The following CELSR1 variants were observed in gnomAD, a reference collection of about 807,000 sequenced individuals.
CELSR1 encodes the protein adhesion G protein-coupled receptor C1.
Under a neutral mutation model 249.1 loss-of-function variants are expected in CELSR1, and 110 were observed. That is an observed-to-expected ratio of 0.44 (90% CI 0.38 to 0.52). The LOEUF (loss-of-function observed/expected upper bound fraction) is 0.52, where lower values mean the gene tolerates loss of function less well. Ranked by LOEUF, CELSR1 falls within the 20% of genes least tolerant of loss-of-function variation. The pLI is 0.00. For missense variants in CELSR1, 4,109 were observed against 4,296.4 expected (o/e 0.96, Z 1.22); for synonymous variants, 2,113 against 1,900.0 (o/e 1.11, Z -2.92).
At position 46,535,402 on chromosome 22, in the gene CELSR1, A is replaced by C. The variant is rs745392201; in HGVS notation, c.1769T>G (p.Val590Gly). ...LGYPVVHIQA[V>G]DADSGENARL... is the part of the protein sequence containing the mutation. The stretch of plus-strand genomic sequence containing the variant: ...GGCGTTCTCTCCAGAGTCCGCGTCC[A>C]CCGCCTGAATGTGCACCACGGGGTA... The change falls in exon 1 of 35, where the codon GTG becomes GGG. Residue 590 changes from valine to glycine, a missense_variant. Val to Gly is a moderately radical substitution (Grantham distance 109). Coordinates refer to ENST00000674500, the MANE Select transcript of CELSR1 (RefSeq NM_001378328.1). 4 of 1,609,774 alleles carry C rather than the reference A, an allele frequency of 2.5e-6. No homozygotes were observed. Among genetic ancestry groups the C allele is most frequent in the African/African-American group, 1.3e-5 (1 of 75,008 alleles).
rs753682607 is a variant in CELSR1, at chr22:46,488,406, G to T, written c.3545-24061C>A. Among the ~76,000 whole-genome samples the T allele has an allele frequency of 5.3e-5, 8 of 152,158 alleles. No homozygotes were observed. The highest frequency in any genetic ancestry group is 1.9e-4 in the African/African-American group (8 of 41,416). ...TTCCCTGCTCGCCTACAGCCGGCGAGTGCAGCACAGGAGGCCACCGTAGTG... is the reference window on the plus strand; with the variant it reads ...TTCCCTGCTCGCCTACAGCCGGCGATTGCAGCACAGGAGGCCACCGTAGTG... On this transcript the variant is annotated intron_variant, in intron 1 of 34. Transcript: ENST00000674500. The surrounding 1 kb of genome is among the most constrained non-coding windows in gnomAD (Gnocchi z 4.7).
chr22:46,432,962 A>G (rs1017976654), intron 5 of CELSR1, among the ~76,000 whole-genome samples: 5 of 152,128 alleles, frequency 3.3e-5, no homozygotes, highest in Non-Finnish European at 7.4e-5. Flanking sequence ...TTTTTCCAAT[A>G]GCACATTTAA....
intron 1 of CELSR1, among the ~76,000 whole-genome samples, chr22:46,504,608 T>G (rs1327547724): frequency 6.6e-6 from 1 of 152,010 alleles, no homozygotes; most frequent in East Asian, 1.9e-4. Flanking sequence ...AGACATTTAT[T>G]TTTACCTACA....
rs945442436 is a variant in CELSR1 at position 46,410,708 on chromosome 22, G to A, written c.4770-147C>T. 1.4e-6 allele frequency: 1 copy of A among 740,132 alleles called. No individual in the cohort carries two copies. Among genetic ancestry groups the A allele is most frequent in the Non-Finnish European group, 2.2e-6 (1 of 459,714 alleles). The allele number at this position is 740,132 out of a possible 1,614,324, so 45.8% of individuals were successfully genotyped here. A position where few individuals can be genotyped will look rare whatever the true frequency, so the allele number is the denominator to read the frequency against. On this transcript the variant is annotated intron_variant, in intron 6 of 34. Coordinates refer to ENST00000674500, the MANE Select transcript of CELSR1 (RefSeq NM_001378328.1). The surrounding 1 kb of genome is among the most constrained non-coding windows in gnomAD (Gnocchi z 6.8). Reference sequence around the variant, plus strand: ...CAGGCGGGGAGAGGCCAAAGTCAGAGGGGGCTCCTGTGTCTGGTGCCGCCA... The same window carrying A: ...CAGGCGGGGAGAGGCCAAAGTCAGAAGGGGCTCCTGTGTCTGGTGCCGCCA...
At chr22:46,415,615 A>G (rs760735401) in intron 5 of CELSR1, among the ~76,000 whole-genome samples, 2 of 149,876 alleles carry the variant, frequency 1.3e-5, no homozygotes, top group Admixed American at 6.6e-5. Context: ...TCACCTCAAT[A>G]AGGAAAAAAT....
In CELSR1 at chr22:46,490,893, G is replaced by A. The variant is rs1410017093; in HGVS notation, c.3545-26548C>T. Among the ~76,000 whole-genome samples, 2 of 152,094 alleles carry A rather than the reference G, an allele frequency of 1.3e-5. No individual in the cohort carries two copies. The highest frequency in any genetic ancestry group is 2.9e-5 in the Non-Finnish European group (2 of 68,018). On this transcript the variant is annotated intron_variant, in intron 1 of 34. Transcript: ENST00000674500. This position sits in a 1 kb window ranked among gnomAD's most constrained non-coding sequence, Gnocchi z 5.2. ...CAGGTGTCATTTTCGCTGCTCTACA[G>A]ACCAGGCCTCAGAGGATCAGGAGGT...
chr22:46,443,534 C>T (rs1395689505), intron 2 of CELSR1, among the ~76,000 whole-genome samples: 3 of 152,250 alleles, frequency 2.0e-5, no homozygotes, highest in Non-Finnish European at 2.9e-5. Context: ...TGCTGCACCC[C>T]GCCGCCCTGC....
chr22:46,383,286 T>C (rs1214811948), intron 20 of CELSR1, among the ~76,000 whole-genome samples: 1 of 152,244 alleles, frequency 6.6e-6, no homozygotes, highest in African/African-American at 2.4e-5. Flanking sequence ...ATTTCCAATT[T>C]TAAACTGTCC....
intron 1 of CELSR1, among the ~76,000 whole-genome samples, chr22:46,482,428 T>C (rs1725842027): frequency 6.6e-6 from 1 of 152,096 alleles, no homozygotes; most frequent in East Asian, 1.9e-4. Context: ...TACCAGATAA[T>C]GAGAGCAAAG....
At position 46,408,924 on chromosome 22, in the gene CELSR1, AAGCCCAGCGCCT is replaced by A; in HGVS notation, c.5226+60_5226+71del. 7.7e-7 allele frequency: 1 copy of A among 1,299,064 alleles called. No individual in the cohort carries two copies. The highest frequency in any genetic ancestry group is 1.5e-5 in the African/African-American group (1 of 66,126). The allele number at this position is 1,299,064 out of a possible 1,614,324, so 80.5% of individuals were successfully genotyped here. Reference sequence around the variant, plus strand: ...AGCAGGTGCCCGAGTGTGCACCAGGAAGCCCAGCGCCTGGGTCCCTCCCTCGGGCACCCACCT... The same window carrying A: ...AGCAGGTGCCCGAGTGTGCACCAGGAGGGTCCCTCCCTCGGGCACCCACCT... On this transcript the variant is annotated intron_variant, in intron 9 of 34. Coordinates refer to ENST00000674500, the MANE Select transcript of CELSR1 (RefSeq NM_001378328.1). The surrounding 1 kb of genome is among the most constrained non-coding windows in gnomAD (Gnocchi z 4.6).
Position 46,399,917 on chromosome 22 carries a change from G to C in CELSR1, c.5227-15C>G. ...TTGTTCAGGATCTGGAGCAGGGAGA[G>C]CCACACCGACTGATTGGTACAATGA... On this transcript the variant is annotated splice_polypyrimidine_tract_variant and intron_variant, in intron 9 of 34. Transcript: ENST00000674500. This position sits in a 1 kb window ranked among gnomAD's most constrained non-coding sequence, Gnocchi z 5.0. 6.2e-7 allele frequency: 1 copy of C among 1,613,348 alleles called. No individual in the cohort carries two copies. Among genetic ancestry groups the C allele is most frequent in the Non-Finnish European group, 8.5e-7 (1 of 1,179,430 alleles).
Position 46,411,509 on chromosome 22 carries a change from G to T in CELSR1, c.4769+93C>A. ...TGAGGTCGCCAGGGCACTGCACCCA[G>T]AGTGCCTACGTGGGGCCCTGCCCTG... is the stretch of plus-strand genomic sequence containing the variant. On this transcript the variant is annotated intron_variant, in intron 6 of 34. Coordinates refer to ENST00000674500, the MANE Select transcript of CELSR1 (RefSeq NM_001378328.1). This position sits in a 1 kb window ranked among gnomAD's most constrained non-coding sequence, Gnocchi z 4.2. 1 of 1,455,800 alleles carries T rather than the reference G, an allele frequency of 6.9e-7. No homozygotes were observed. 90.2% of individuals were successfully genotyped at this position (1,455,800 alleles called of 1,614,324 possible).
intron 5 of CELSR1, among the ~76,000 whole-genome samples, chr22:46,425,459 A>T (rs2079526248): frequency 6.6e-6 from 1 of 152,234 alleles, no homozygotes. Context: ...CTATTTCCTC[A>T]ATAGTGTATA....
intron 20 of CELSR1, among the ~76,000 whole-genome samples, chr22:46,383,401 G>GT (rs1267057820): frequency 4.6e-5 from 7 of 152,204 alleles, no homozygotes; most frequent in African/African-American, 1.4e-4. Flanking sequence ...TGTTCAAACT[G>GT]TTTTGAATCA....
At chr22:46,496,305 C>T (rs568173863) in intron 1 of CELSR1, among the ~76,000 whole-genome samples, 4 of 150,858 alleles carry the variant, frequency 2.7e-5, no homozygotes, top group African/African-American at 9.7e-5. Flanking sequence ...CAGTGGCTCA[C>T]GCCTGTAATC....
At chr22:46,519,904 G>A (rs912589497) in intron 1 of CELSR1, among the ~76,000 whole-genome samples, 9 of 135,740 alleles carry the variant, frequency 6.6e-5, no homozygotes, top group Middle Eastern at 4.0e-3. Context: ...ACAGAGTTTC[G>A]CTCATCGCCC....
chr22:46,449,948 G>GCATGCACTCACATGCTCA (rs1555919978), intron 2 of CELSR1, among the ~76,000 whole-genome samples: 3 of 84,934 alleles, frequency 3.5e-5, no homozygotes, highest in African/African-American at 5.7e-5. Context: ...ACACTCACAT[G>GCATGCACTCACATGCTCA]CACGCACTCA....
Position 46,409,839 on chromosome 22 carries a change from G to A in CELSR1, c.4975C>T (p.Gln1659Ter). Residue 1659 changes from glutamine (Q) to a stop codon, truncating the protein, a stop_gained, in exon 8 of 35, where the codon CAG becomes TAG. Coordinates refer to ENST00000674500, the MANE Select transcript of CELSR1 (RefSeq NM_001378328.1). LOFTEE classifies it high-confidence loss of function. The surrounding 1 kb of genome is among the most constrained non-coding windows in gnomAD (Gnocchi z 9.8). Reference protein sequence around the residue: ...RRNFCDGRRCQNGGTCVNRWN... With the variant: ...RRNFCDGRRC ...CTGTTGACACAGGTGCCTCCATTCT[G>A]ACACCGCCTCCCATCGCAGAAGTTC... is the stretch of plus-strand genomic sequence containing the variant. 1 of 1,613,788 alleles carries A rather than the reference G, an allele frequency of 6.2e-7. No individual in the cohort carries two copies. The highest frequency in any genetic ancestry group is 8.5e-7 in the Non-Finnish European group (1 of 1,179,974).
Position 46,364,351 on chromosome 22 carries a change from T to C in CELSR1, c.8780-100A>G, listed in dbSNP as rs376841574. 2.1e-4 allele frequency: 317 copies of C among 1,537,054 alleles called. No homozygotes were observed. In the African/African-American group the frequency reaches 3.8e-3, roughly 18 times the overall value. ...AGCCAGCCTCAGCCCCTGTCCTTCC[T>C]CCTGGTTCCCCGGGTCCCAGGGCTA... On this transcript the variant is annotated intron_variant, in intron 33 of 34. Coordinates refer to ENST00000674500, the MANE Select transcript of CELSR1 (RefSeq NM_001378328.1).
Sources: allele counts gnomAD v4.1 joint callset (sites outside exome capture counted in the v4.1 genomes callset), GRCh38; gene constraint gnomAD v4.1.1; non-coding constraint Gnocchi (gnomAD v3.1); transcripts MANE v1.5; gene names NCBI Gene and HGNC (gene_info 2026-07-23, HGNC 2026-07-21).